Variants in TEN1 observed in about 807,000 individuals in gnomAD.
TEN1 encodes the protein TEN1 subunit of CST complex.
TEN1 carries 6 observed loss-of-function variants against 9.3 expected under a neutral mutation model. The ratio of observed to expected loss-of-function variants is 0.65; its 90% CI spans 0.35 to 1.27. TEN1 has a LOEUF of 1.27. Among genes scored for constraint, TEN1 ranks in the 50% most tolerant of loss-of-function variants. The probability of loss-of-function intolerance (pLI) is 0.03; values close to 1 mark genes in which losing one functional copy is unlikely to be tolerated. For synonymous variants in TEN1, 65 were observed against 65.6 expected (o/e 0.99, Z 0.04); for missense variants, 149 against 158.2 (o/e 0.94, Z 0.31).
intron 2 of TEN1, among the ~76,000 whole-genome samples, chr17:75,990,573 A>T (rs1445514402): frequency 2.0e-5 from 3 of 150,284 alleles, no homozygotes; most frequent in Non-Finnish European, 4.4e-5. Flanking sequence ...GTGGCTCATG[A>T]GTGTAATCCC....
chr17:75,996,321 AC>A (rs1567899099), intron 3 of TEN1, among the ~76,000 whole-genome samples: 1 of 152,092 alleles, frequency 6.6e-6, no homozygotes, highest in Non-Finnish European at 1.5e-5. Context: ...CCCTGTCTCT[AC>A]AAAAAATACG....
intron 3 of TEN1, among the ~76,000 whole-genome samples, chr17:75,999,116 C>T (rs976700967): frequency 3.3e-5 from 5 of 151,946 alleles, no homozygotes; most frequent in Admixed American, 6.6e-5. Context: ...GAGGCCGAGG[C>T]GGGCAGATCA....
At chr17:75,983,412 A>G (rs527485934) in intron 1 of TEN1, among the ~76,000 whole-genome samples, 1 of 152,340 alleles carries the variant, frequency 6.6e-6, no homozygotes, top group East Asian at 1.9e-4. Context: ...AAAAACAGGA[A>G]CATCTAGTGG....
chr17:75,981,784 C>T (rs761458830), intron 1 of TEN1, among the ~76,000 whole-genome samples: 31 of 152,148 alleles, frequency 2.0e-4, no homozygotes, highest in Non-Finnish European at 4.1e-4. Context: ...AATCCTGGCA[C>T]TTTGGGAGGC....
At chr17:75,991,133 A>T (rs139824587) in intron 2 of TEN1, among the ~76,000 whole-genome samples, 3,121 of 141,626 alleles carry the variant, frequency 0.022, 49 homozygotes, top group South Asian at 0.031. Context: ...CTGGGCAACA[A>T]AGCGAGACTC....
chr17:75,990,233 G>C (rs1419389044), intron 2 of TEN1, among the ~76,000 whole-genome samples: 1 of 151,376 alleles, frequency 6.6e-6, no homozygotes, highest in African/African-American at 2.4e-5. Flanking sequence ...ATTTTTAGTA[G>C]AGACAGGGTT....
intron 3 of TEN1, among the ~76,000 whole-genome samples, chr17:75,994,623 G>A (rs571170840): frequency 1.2e-3 from 188 of 151,454 alleles, no homozygotes; most frequent in African/African-American, 4.3e-3. Context: ...GATTACAGGC[G>A]CCTGCCACTG....
intron 3 of TEN1, among the ~76,000 whole-genome samples, chr17:75,995,667 C>T (rs757526348): frequency 4.6e-5 from 7 of 152,252 alleles, no homozygotes; most frequent in Non-Finnish European, 1.0e-4. Context: ...CAGGCCTACT[C>T]CAGAGGCCCT....
rs566118987 is a variant in TEN1, at chr17:75,995,730, G to A, written c.250+4107G>A. The stretch of plus-strand genomic sequence containing the variant: ...GGACCACAGCAAACAGCAAGCAGCT[G>A]CCCACAAGCCCTTGCCATGCATCCT... On this transcript the variant is annotated intron_variant, in intron 3 of 3. Transcript: ENST00000397640. Among the ~76,000 whole-genome samples, 4 of 152,310 alleles carry A rather than the reference G, an allele frequency of 2.6e-5. No individual in the cohort carries two copies. The South Asian group carries it at 8.3e-4, about 32-fold the overall frequency.
At chr17:75,983,364 C>T (rs753027396) in intron 1 of TEN1, among the ~76,000 whole-genome samples, 8 of 152,150 alleles carry the variant, frequency 5.3e-5, no homozygotes, top group Non-Finnish European at 1.0e-4. Context: ...ATAGCAACCC[C>T]AGCATCCTCC....
chr17:75,981,455 G>A (rs1476442063), intron 1 of TEN1, among the ~76,000 whole-genome samples: 1 of 152,100 alleles, frequency 6.6e-6, no homozygotes, highest in Non-Finnish European at 1.5e-5. Flanking sequence ...CCAAAGTGCT[G>A]AGATTACAGG....
intron 1 of TEN1, among the ~76,000 whole-genome samples, chr17:75,980,262 C>T (rs56357120): frequency 0.029 from 4,474 of 152,112 alleles, 72 homozygotes; most frequent in Middle Eastern, 0.051. Context: ...TGGCTTGAGC[C>T]CCGGAGGTGG....
At chr17:75,995,274 C>G (rs2066212242) in intron 3 of TEN1, among the ~76,000 whole-genome samples, 1 of 151,618 alleles carries the variant, frequency 6.6e-6, no homozygotes, top group East Asian at 1.9e-4. Context: ...CACCTGTAAT[C>G]CCAGCACTTT....
chr17:75,986,386 C>T (rs955622843), intron 2 of TEN1, 102 bp downstream of exon 2: 15 of 1,120,494 alleles, frequency 1.3e-5, no homozygotes, highest in African/African-American at 1.3e-4. Context: ...ATAACTTCAT[C>T]TAATTATGTT....
In TEN1 at chr17:75,982,699, TTTTA is replaced by T. The variant is rs60755863; in HGVS notation, c.-7+3207_-7+3210del. Among the ~76,000 whole-genome samples, 594 of 150,986 alleles carry T rather than the reference TTTTA, an allele frequency of 3.9e-3. 5 individuals are homozygous for T. The highest frequency in any genetic ancestry group is 0.014 in the African/African-American group (569 of 41,032). ...TCTTAGGCTCAAGCATTGATCATAGTTTTATTTATTTATTTATTTATTATTTTTT... is the reference window on the plus strand; with the variant it reads ...TCTTAGGCTCAAGCATTGATCATAGTTTTATTTATTTATTTATTATTTTTT... On this transcript the variant is annotated intron_variant, in intron 1 of 3. Transcript: ENST00000397640.
At chr17:75,988,561 CAAAAAAAAAAAAAAAAAA>C (rs1189354019) in intron 2 of TEN1, among the ~76,000 whole-genome samples, 1 of 28,988 alleles carries the variant, frequency 3.4e-5, no homozygotes. Context: ...GATCCTGCCT[CAAAAAAAAAAAAAAAAAA>C]AAAAAAAAGA....
chr17:75,986,724 A>G (rs962050428), intron 2 of TEN1, among the ~76,000 whole-genome samples: 31 of 151,032 alleles, frequency 2.1e-4, no homozygotes, highest in African/African-American at 7.3e-4. Flanking sequence ...TAATAAATAT[A>G]TATACATATA....
intron 3 of TEN1, among the ~76,000 whole-genome samples, chr17:75,992,955 G>A (rs914837073): frequency 7.0e-6 from 1 of 143,362 alleles, no homozygotes; most frequent in African/African-American, 2.6e-5. Flanking sequence ...GATTCTTACT[G>A]CTGGTTTTTT....
intron 2 of TEN1, among the ~76,000 whole-genome samples, chr17:75,991,081 C>T (rs7220365): frequency 0.065 from 8,426 of 129,776 alleles, 249 homozygotes; most frequent in Admixed American, 0.073. Flanking sequence ...ACCCAGGAGG[C>T]GGAGGTTGCA....
Sources: gnomAD v4.1 joint callset for allele counts (sites outside exome capture counted in the v4.1 genomes callset) on GRCh38, gnomAD v4.1.1 for gene constraint, MANE v1.5 for transcripts, NCBI Gene and HGNC (gene_info 2026-07-23, HGNC 2026-07-21) for gene names.